Variants in PANK3 observed in about 807,000 individuals in gnomAD.
The protein encoded by PANK3 is pantothenate kinase 3, also known as hPanK3.
A neutral mutation model predicts 39.4 loss-of-function variants in PANK3; 20 were observed. The observed-to-expected ratio is 0.51, with a 90% CI of 0.36 to 0.74. The LOEUF (loss-of-function observed/expected upper bound fraction) is 0.74. PANK3 is among the 30% of genes least tolerant of loss of function. The probability of loss-of-function intolerance (pLI) is 0.00; values close to 1 mark genes in which losing one functional copy is unlikely to be tolerated. For missense variants in PANK3, 265 were observed against 437.0 expected, an observed-to-expected ratio of 0.61 and a Z score of 3.51; for synonymous variants, 140 against 157.3, an observed-to-expected ratio of 0.89 and a Z score of 0.82.
chr5:168,564,211 G>A (rs1759488951), intron 3 of PANK3, 146 bp from the exon 4 acceptor site: 7 of 685,964 alleles, frequency 1.0e-5, no homozygotes, highest in Middle Eastern at 3.8e-4. Context: ...CATAACGAAG[G>A]CAACAAAAAT....
At chr5:168,567,296 G>A (rs1759551724) in intron 2 of PANK3, among the ~76,000 whole-genome samples, 1 of 152,106 alleles carries the variant, frequency 6.6e-6, no homozygotes, top group South Asian at 2.1e-4. Flanking sequence ...ACTTCATGAT[G>A]TCCTCTGGAA....
chr5:168,565,848 T>C (rs1759514153), intron 3 of PANK3, among the ~76,000 whole-genome samples, 165 bp downstream of exon 3: 1 of 119,950 alleles, frequency 8.3e-6, no homozygotes, highest in African/African-American at 3.4e-5. Context: ...CATGGCACCC[T>C]CTTTCACTTA....
intron 1 of PANK3, among the ~76,000 whole-genome samples, chr5:168,570,891 A>C (rs1358007808): frequency 6.6e-6 from 1 of 152,238 alleles, no homozygotes. Flanking sequence ...CAGTAAAGTA[A>C]GGCCAGCGAT....
chr5:168,569,112 C>T, intron 1 of PANK3, 114 bp from the exon 2 acceptor site: 1 of 257,018 alleles, frequency 3.9e-6, no homozygotes, highest in Non-Finnish European at 6.7e-6. Flanking sequence ...CTGAATCATG[C>T]ATTCAGGCAA....
At position 168,563,928 on chromosome 5, in the gene PANK3, TA is replaced by T. The variant is rs1759484015; in HGVS notation, c.772del (p.Tyr258MetfsTer11). ...CCAACCTGGCAAACCAAATCTTTCA[TA>T]ATCTCCTCCATAAATATCACGGACC... ...KLVRDIYGGD[Y>X]ERFGLPGWAV... On this transcript the variant is annotated frameshift_variant, in exon 4 of 7. Coordinates refer to ENST00000239231, the MANE Select transcript of PANK3 (RefSeq NM_024594.4). LOFTEE classifies it high-confidence loss of function. 1.2e-6 allele frequency: 2 copies of T among 1,612,224 alleles called. No individual in the cohort carries two copies. Among genetic ancestry groups the T allele is most frequent in the Non-Finnish European group, 1.7e-6 (2 of 1,179,178 alleles).
chr5:168,576,364 C>A (rs1329973323), intron 1 of PANK3, among the ~76,000 whole-genome samples: 1 of 152,228 alleles, frequency 6.6e-6, no homozygotes, highest in East Asian at 1.9e-4. Context: ...CTTTTACTAT[C>A]ACCTTGTTAA....
chr5:168,571,176 T>C (rs1759624535), intron 1 of PANK3, among the ~76,000 whole-genome samples: 1 of 152,246 alleles, frequency 6.6e-6, no homozygotes, highest in African/African-American at 2.4e-5. Context: ...TTTCCTTATA[T>C]TTATTGGCCA....
At chr5:168,570,410 A>G (rs548881563) in intron 1 of PANK3, among the ~76,000 whole-genome samples, 15 of 151,634 alleles carry the variant, frequency 9.9e-5, no homozygotes, top group Non-Finnish European at 1.3e-4. Context: ...GAAAGAAAGA[A>G]AGAAAGAAAG....
At position 168,556,418 on chromosome 5, in the gene PANK3, CCCTTTT is replaced by C. The variant is rs1759352093; in HGVS notation, c.*1147_*1152del. The C allele has an allele frequency of 1.3e-5, 2 of 152,258 alleles. No individual in the cohort carries two copies. Among genetic ancestry groups the C allele is most frequent in the Non-Finnish European group, 2.9e-5 (2 of 68,116 alleles). The allele number at this position is 152,258 out of a possible 1,614,324, so 9.4% of individuals were successfully genotyped here. ...CCTTGGTGACACTCAGCCTCTCTTC[CCCTTTT>C]CCTATGTTGCTCAATCTTCCTTTCC... On this transcript the variant is annotated 3_prime_UTR_variant, in exon 7 of 7. Coordinates refer to ENST00000239231, the MANE Select transcript of PANK3 (RefSeq NM_024594.4).
Position 168,561,390 on chromosome 5 carries a change from T to C in PANK3, c.936+3A>G. 6.4e-7 allele frequency: 1 copy of C among 1,568,200 alleles called. No individual in the cohort carries two copies. ...TCAAGTTTTGTGTTTTTTGTTTTTT[T>C]ACCTCATTAACAGCACACATTCGTG... On this transcript the variant is annotated splice_donor_region_variant and intron_variant, in intron 5 of 6. Transcript: ENST00000239231.
At chr5:168,569,991 G>A (rs772139759) in intron 1 of PANK3, among the ~76,000 whole-genome samples, 25 of 151,968 alleles carry the variant, frequency 1.6e-4, no homozygotes, top group Non-Finnish European at 1.3e-4. Context: ...CTGGGGCTGC[G>A]GTGAGCCATG....
chr5:168,565,089 C>G (rs1051844631), intron 3 of PANK3, among the ~76,000 whole-genome samples: 1 of 152,114 alleles, frequency 6.6e-6, no homozygotes, highest in African/African-American at 2.4e-5. Flanking sequence ...TAGCAGTGTA[C>G]AATTCTTTGG....
rs952481069 is a variant in PANK3, at chr5:168,568,725, T to A, written c.302A>T (p.Asp101Val). 6.2e-7 allele frequency: 1 copy of A among 1,614,142 alleles called. No individual in the cohort carries two copies. Among genetic ancestry groups the A allele is most frequent in the Non-Finnish European group, 8.5e-7 (1 of 1,180,030 alleles). ...DLPTFIQMGRDKNFSTLQTVL... is the reference protein window; with the variant it reads ...DLPTFIQMGRVKNFSTLQTVL... ...CGTCTGCAATGTTGAGAAGTTTTTA[T>A]CTCTTCCCATTTGGATAAAAGTAGG... Residue 101 changes from aspartate (D) to valine (V), a missense_variant, in exon 2 of 7, where the codon GAT becomes GTT. This residue lies in a region of PANK3 where 154 missense variants were observed against 256.8 expected (regional missense o/e 0.60). Coordinates refer to ENST00000239231, the MANE Select transcript of PANK3 (RefSeq NM_024594.4).
intron 1 of PANK3, among the ~76,000 whole-genome samples, chr5:168,570,922 C>T (rs1759619668): frequency 6.6e-6 from 1 of 152,020 alleles, no homozygotes; most frequent in Non-Finnish European, 1.5e-5. Context: ...TTAAGTAACA[C>T]CCTCTTGAAA....
intron 5 of PANK3, among the ~76,000 whole-genome samples, chr5:168,560,201 C>G (rs556896870): frequency 2.0e-5 from 3 of 152,142 alleles, no homozygotes; most frequent in Non-Finnish European, 4.4e-5. Flanking sequence ...CATCAACCAA[C>G]TAACACTTAA....
chr5:168,570,605 C>T (rs1305195819), intron 1 of PANK3, among the ~76,000 whole-genome samples: 2 of 151,750 alleles, frequency 1.3e-5, no homozygotes, highest in Non-Finnish European at 2.9e-5. Flanking sequence ...TGTGTTTGAC[C>T]GTAGAAAATA....
chr5:168,559,853 C>T (rs1472136940), intron 5 of PANK3, among the ~76,000 whole-genome samples: 1 of 152,164 alleles, frequency 6.6e-6, no homozygotes, highest in Non-Finnish European at 1.5e-5. Context: ...CTGGCATGTG[C>T]ATTCCCCTAG....
intron 1 of PANK3, among the ~76,000 whole-genome samples, chr5:168,577,383 T>C (rs1030532570): frequency 6.6e-6 from 1 of 152,208 alleles, no homozygotes; most frequent in Non-Finnish European, 1.5e-5. Context: ...CATACCACAA[T>C]GTTGTAATAA....
At chr5:168,565,350 T>C (rs984252176) in intron 3 of PANK3, among the ~76,000 whole-genome samples, 2 of 152,178 alleles carry the variant, frequency 1.3e-5, no homozygotes, top group Admixed American at 6.5e-5. Context: ...CAGAAAAGTA[T>C]GTGGGCTATT....
Sources: allele counts gnomAD v4.1 joint callset (sites outside exome capture counted in the v4.1 genomes callset), GRCh38; gene constraint gnomAD v4.1.1; regional missense constraint gnomAD v4.1.1; transcripts MANE v1.5; gene names NCBI Gene and HGNC (gene_info 2026-07-23, HGNC 2026-07-21).